The following ZNF616 variants were observed in gnomAD, a reference collection of about 807,000 sequenced individuals.
ZNF616 encodes zinc finger protein 616.
A neutral mutation model predicts 7.6 loss-of-function variants in ZNF616; 5 were observed. The observed-to-expected ratio is 0.66, with a 90% CI of 0.34 to 1.38. The LOEUF is 1.38. Among genes scored for constraint, ZNF616 ranks in the 40% most tolerant of loss-of-function variants. The pLI, the probability that ZNF616 is intolerant of heterozygous loss-of-function variation, is 0.04. For missense variants in ZNF616, 913 were observed against 948.3 expected (o/e 0.96, Z 0.49); for synonymous variants, 319 against 317.2 (o/e 1.01, Z -0.06).
At chr19:52,120,578 T>C (rs2088857738) in intron 3 of ZNF616, among the ~76,000 whole-genome samples, 1 of 152,164 alleles carries the variant, frequency 6.6e-6, no homozygotes, top group Non-Finnish European at 1.5e-5. Flanking sequence ...AAGATTCATT[T>C]TTATTTGAAG....
Position 52,116,087 on chromosome 19 carries a change from G to A in ZNF616, c.1077C>T (p.Gly359=), listed in dbSNP as rs766255802. 6.2e-7 allele frequency: 1 copy of A among 1,614,116 alleles called. No homozygotes were observed. The highest frequency in any genetic ancestry group is 2.2e-5 in the East Asian group (1 of 44,882). The change falls in exon 4 of 4, where the codon GGC becomes GGT. Residue 359 remains glycine, a synonymous_variant. Transcript: ENST00000600228. ...GATTTGATCTATGTCTGAATGCCTT[G>A]CCACATACATCACATTTATATGGTT... The part of the protein sequence containing the change: ...GKKPYKCDVC[G]KAFRHRSNLV...
chr19:52,120,867 C>T (rs993667544), intron 3 of ZNF616, among the ~76,000 whole-genome samples: 5 of 152,102 alleles, frequency 3.3e-5, no homozygotes, highest in African/African-American at 9.7e-5. Context: ...TAATAAAAGA[C>T]TTCAACGGAC....
In ZNF616 at chr19:52,115,510, T is replaced by C; in HGVS notation, c.1654A>G (p.Lys552Glu). Residue 552 changes from lysine to glutamate, a missense_variant, in exon 4 of 4, where the codon AAA (lysine) becomes GAA (glutamate). Physicochemically the swap from Lys to Glu is moderately conservative, Grantham distance 56. Coordinates refer to ENST00000600228, the MANE Select transcript of ZNF616 (RefSeq NM_178523.5). ...TGACTGAAGACCTTGCCACATTCTT[T>C]GCATTTGTAAGGCTTCTCTCCAGTA... ...IHTGEKPYKC[K>E]ECGKVFSQCS... The C allele has an allele frequency of 6.2e-7, 1 of 1,614,044 alleles. No homozygotes were observed. The highest frequency in any genetic ancestry group is 8.5e-7 in the Non-Finnish European group (1 of 1,179,998).
rs553159658 is a variant in ZNF616, at chr19:52,124,186, T to C, written c.13-137A>G. ...ATGGCATCTGTGAGAAAGTTATTGG[T>C]CCCTAATTTTAGTTTGTTATAAAAT... On this transcript the variant is annotated intron_variant, in intron 2 of 3. Transcript: ENST00000600228. 2.3e-5 allele frequency: 25 copies of C among 1,102,368 alleles called. 1 individual carries two copies. The Admixed American group carries it at 3.9e-4, about 17-fold the overall frequency. 68.3% of individuals were successfully genotyped at this position (1,102,368 alleles called of 1,614,324 possible). A position where few individuals can be genotyped will look rare whatever the true frequency, so the allele number is the denominator to read the frequency against.
In ZNF616 at chr19:52,123,994, C is replaced by T; in HGVS notation, c.68G>A (p.Cys23Tyr). 1 of 1,613,956 alleles carries T rather than the reference C, an allele frequency of 6.2e-7. No homozygotes were observed. The highest frequency in any genetic ancestry group is 8.5e-7 in the Non-Finnish European group (1 of 1,179,966). ...CAAAGCTTTCTGCACAGGCTCCAGG[C>T]ATTTCCACTCCTCCTGAGAGAATTC... The part of the protein sequence containing the change: ...AIEFSQEEWK[C>Y]LEPVQKALYK... The change falls in exon 3 of 4, where the codon TGC becomes TAC. Residue 23 changes from cysteine (C) to tyrosine (Y), a missense_variant. Coordinates refer to ENST00000600228, the MANE Select transcript of ZNF616 (RefSeq NM_178523.5).
chr19:52,121,602 G>A lies in ZNF616; in HGVS notation c.139+2321C>T, dbSNP rs566636209. 9.2e-5 allele frequency among the ~76,000 whole-genome samples: 14 copies of A among 152,238 alleles called. No homozygotes were observed. The South Asian group carries it at 2.7e-3, about 29-fold the overall frequency. On this transcript the variant is annotated intron_variant, in intron 3 of 3. Transcript: ENST00000600228. ...CCAATAGAACAGAATAGGGAACCCA[G>A]AAATACAGCCACAGATCTCCAATGG...
At position 52,115,577 on chromosome 19, in the gene ZNF616, G is replaced by A; in HGVS notation, c.1587C>T (p.Val529=). The A allele has an allele frequency of 6.2e-7, 1 of 1,614,002 alleles. No individual in the cohort carries two copies. The highest frequency in any genetic ancestry group is 8.5e-7 in the Non-Finnish European group (1 of 1,179,998). The stretch of plus-strand genomic sequence containing the variant: ...TTGCAAAAGCTGAACGGTCACTGAA[G>A]ACCTTGCCACATTCTTTGCATTTGT... The part of the protein sequence containing the change: ...KPYKCKECGK[V]FSDRSAFARH... The change falls in exon 4 of 4, where the codon GTC becomes GTT. Residue 529 remains valine, a synonymous_variant. Coordinates refer to ENST00000600228, the MANE Select transcript of ZNF616 (RefSeq NM_178523.5).
chr19:52,136,715 T>C (rs1023995581), intron 1 of ZNF616, among the ~76,000 whole-genome samples: 1 of 152,000 alleles, frequency 6.6e-6, no homozygotes, highest in Non-Finnish European at 1.5e-5. Flanking sequence ...AACAATGCAA[T>C]CCAGCAATCT....
At chr19:52,137,472 C>A (rs2089022341) in intron 1 of ZNF616, among the ~76,000 whole-genome samples, 1 of 151,946 alleles carries the variant, frequency 6.6e-6, no homozygotes, top group Non-Finnish European at 1.5e-5. Flanking sequence ...CTGCTATTTC[C>A]AACAACATGG....
At chr19:52,129,943 T>G (rs1444351133) in intron 2 of ZNF616, among the ~76,000 whole-genome samples, 1 of 152,016 alleles carries the variant, frequency 6.6e-6, no homozygotes, top group Non-Finnish European at 1.5e-5. Context: ...CCACCATGAC[T>G]GGCTAATTTT....
At position 52,116,456 on chromosome 19, in the gene ZNF616, T is replaced by C. The variant is rs1568558485; in HGVS notation, c.708A>G (p.Thr236=). The part of the protein sequence containing the change: ...SLLTVHKVVH[T]RGKSYQCDVC... ...CATCACATTGATATGATTTCCCTCT[T>C]GTATGGACTACCTTGTGTACAGTTA... The change falls in exon 4 of 4, where the codon ACA becomes ACG. Residue 236 remains threonine (T), a synonymous_variant. Coordinates refer to ENST00000600228, the MANE Select transcript of ZNF616 (RefSeq NM_178523.5). The C allele has an allele frequency of 1.2e-6, 2 of 1,614,000 alleles. No homozygotes were observed.
At chr19:52,126,243 G>T (rs1023687635) in intron 2 of ZNF616, among the ~76,000 whole-genome samples, 1 of 152,154 alleles carries the variant, frequency 6.6e-6, no homozygotes, top group South Asian at 2.1e-4. Flanking sequence ...AAAAAGAAAT[G>T]TGGGCCGGGC....
chr19:52,138,129 A>C (rs1289765194), intron 1 of ZNF616, among the ~76,000 whole-genome samples: 1 of 152,208 alleles, frequency 6.6e-6, no homozygotes. Flanking sequence ...TGGGCGACAG[A>C]GACCCTGTCT....
rs1166702423 is a variant in ZNF616 at position 52,114,782 on chromosome 19, G to T, written c.*36C>A. The T allele has an allele frequency of 6.5e-7, 1 of 1,530,140 alleles. No individual in the cohort carries two copies. The highest frequency in any genetic ancestry group is 1.4e-5 in the African/African-American group (1 of 71,900). 94.8% of individuals were successfully genotyped at this position (1,530,140 alleles called of 1,614,324 possible). ...AATATACAAGGTATATCAGTAAGTA[G>T]GAATTATTCGGTGATTCCAGAAACT... is the stretch of plus-strand genomic sequence containing the variant. On this transcript the variant is annotated 3_prime_UTR_variant, in exon 4 of 4. Transcript: ENST00000600228.
chr19:52,136,251 C>T (rs1017522558), intron 1 of ZNF616, among the ~76,000 whole-genome samples: 5 of 151,820 alleles, frequency 3.3e-5, no homozygotes, highest in Non-Finnish European at 5.9e-5. Flanking sequence ...GAAGCCGAGG[C>T]GGGCAGATCA....
chr19:52,136,410 T>C (rs1324328884), intron 1 of ZNF616, among the ~76,000 whole-genome samples: 3 of 151,664 alleles, frequency 2.0e-5, no homozygotes, highest in Non-Finnish European at 4.4e-5. Flanking sequence ...GATCACGCCA[T>C]TGCACTCCAG....
At chr19:52,136,145 G>A (rs965809142) in intron 1 of ZNF616, among the ~76,000 whole-genome samples, 1 of 80,130 alleles carries the variant, frequency 1.2e-5, no homozygotes, top group African/African-American at 5.3e-5. Flanking sequence ...AAAAAAAAGC[G>A]GGGGGGGGAC....
At chr19:52,137,333 G>A (rs977609606) in intron 1 of ZNF616, among the ~76,000 whole-genome samples, 6 of 151,924 alleles carry the variant, frequency 3.9e-5, no homozygotes, top group Non-Finnish European at 7.4e-5. Context: ...TGAGGCAGGA[G>A]AATGGTGTGA....
chr19:52,114,634 AGGG>A lies in ZNF616; in HGVS notation c.*181_*183del, dbSNP rs1415691837. 1.3e-5 allele frequency: 9 copies of A among 674,434 alleles called. No individual in the cohort carries two copies. The highest frequency in any genetic ancestry group is 1.9e-5 in the Non-Finnish European group (8 of 420,088). 41.8% of individuals were successfully genotyped at this position (674,434 alleles called of 1,614,324 possible). A position where few individuals can be genotyped will look rare whatever the true frequency, so the allele number is the denominator to read the frequency against. On this transcript the variant is annotated 3_prime_UTR_variant, in exon 4 of 4. Coordinates refer to ENST00000600228, the MANE Select transcript of ZNF616 (RefSeq NM_178523.5). ...AGTCACTATTGCCAGGACAGCACCA[AGGG>A]GATGACGCTACATCTTTCTCAGTTT...
Sources: gnomAD v4.1 joint callset for allele counts (sites outside exome capture counted in the v4.1 genomes callset) on GRCh38, gnomAD v4.1.1 for gene constraint, MANE v1.5 for transcripts, NCBI Gene and HGNC (gene_info 2026-07-23, HGNC 2026-07-21) for gene names.